Variants in GRAP2 observed in about 807,000 individuals in gnomAD.
GRAP2 encodes the protein GRB2-related adapter protein 2.
Under a neutral mutation model 43.5 loss-of-function variants are expected in GRAP2, and 31 were observed. The ratio of observed to expected loss-of-function variants is 0.71; its 90% confidence interval spans 0.54 to 0.96. The LOEUF (loss-of-function observed/expected upper bound fraction) is 0.96. Ranked by LOEUF, GRAP2 falls within the 40% of genes least tolerant of loss-of-function variation. The probability of loss-of-function intolerance (pLI) is 0.00; values close to 1 mark genes in which losing one functional copy is unlikely to be tolerated. For missense variants in GRAP2, 371 were observed against 424.4 expected (o/e 0.87, Z 1.11); for synonymous variants, 156 against 164.8 (o/e 0.95, Z 0.41).
In GRAP2 at chr22:39,970,943, C is replaced by A; in HGVS notation, c.852C>A (p.Ala284=). 1.2e-6 allele frequency: 2 copies of A among 1,613,088 alleles called. No homozygotes were observed. Among genetic ancestry groups the A allele is most frequent in the African/African-American group, 2.7e-5 (2 of 74,956 alleles). The change falls in exon 8 of 8, where the codon GCC becomes GCA. Residue 284 remains alanine (A), a synonymous_variant. Transcript: ENST00000344138. ...CCCGGGCGCTGTATGACTTTGAGGC[C>A]CTGGAGGATGACGAGCTGGGGTTCC... ...RWARALYDFE[A]LEDDELGFHS...
At chr22:39,929,614 C>T (rs1002219976) in intron 1 of GRAP2, among the ~76,000 whole-genome samples, 1 of 152,176 alleles carries the variant, frequency 6.6e-6, no homozygotes, top group African/African-American at 2.4e-5. Flanking sequence ...TGAACTCCTC[C>T]GCATGACCAA....
intron 1 of GRAP2, among the ~76,000 whole-genome samples, chr22:39,937,654 G>A (rs759874656): frequency 1.3e-5 from 2 of 152,140 alleles, no homozygotes; most frequent in African/African-American, 4.8e-5. Context: ...AGTATTCTAC[G>A]TCCTCTTCCC....
At chr22:39,964,170 C>A in intron 4 of GRAP2, 2 of 514,620 alleles carry the variant, frequency 3.9e-6, no homozygotes, top group South Asian at 3.0e-5. Flanking sequence ...ACTTTACATC[C>A]AAAAGAGAAT....
At chr22:39,911,357 T>A (rs1231171496) in intron 1 of GRAP2, among the ~76,000 whole-genome samples, 1 of 151,962 alleles carries the variant, frequency 6.6e-6, no homozygotes. Flanking sequence ...GCAAGACTCA[T>A]TTAAAATGAC....
intron 1 of GRAP2, among the ~76,000 whole-genome samples, chr22:39,942,874 CCTCT>C (rs2145628691): frequency 6.6e-6 from 1 of 152,142 alleles, no homozygotes; most frequent in Admixed American, 6.5e-5. Flanking sequence ...GCAATGTTTC[CCTCT>C]CTTTTTAAAA....
chr22:39,935,654 G>C (rs1255785410), intron 1 of GRAP2, among the ~76,000 whole-genome samples: 1 of 152,142 alleles, frequency 6.6e-6, no homozygotes, highest in Non-Finnish European at 1.5e-5. Context: ...ATGAAGCAAG[G>C]GGAGCTTCTC....
chr22:39,968,257 C>T lies in GRAP2; in HGVS notation c.675C>T (p.His225=), dbSNP rs2067196494. The T allele has an allele frequency of 1.9e-6, 3 of 1,612,604 alleles. No individual in the cohort carries two copies. In the East Asian group the frequency reaches 6.7e-5, roughly 36 times the overall value. The change falls in exon 6 of 8, where the codon CAC becomes CAT. Residue 225 remains histidine, a synonymous_variant. Transcript: ENST00000344138. ...QQPPQQRYLQ[H]HHFHQERRGG... ...CCCCACAGCAGCGATATCTGCAGCA[C>T]CACCATTTCCACCAGGTATCTGGAA...
At chr22:39,969,913 T>A (rs1312755532) in intron 7 of GRAP2, among the ~76,000 whole-genome samples, 1 of 151,982 alleles carries the variant, frequency 6.6e-6, no homozygotes, top group Non-Finnish European at 1.5e-5. Context: ...AAACTCCGTC[T>A]CAAAAAACAA....
At position 39,969,256 on chromosome 22, in the gene GRAP2, T is replaced by G. The variant is rs1352288564; in HGVS notation, c.691-155T>G. 1.3e-4 allele frequency: 102 copies of G among 812,180 alleles called. 1 individual carries two copies. The South Asian group carries it at 1.6e-3, about 13-fold the overall frequency. The allele number at this position is 812,180 out of a possible 1,614,324, so 50.3% of individuals were successfully genotyped here. A position where few individuals can be genotyped will look rare whatever the true frequency, so the allele number is the denominator to read the frequency against. The stretch of plus-strand genomic sequence containing the variant: ...TCAGAATCTAAGGTGCCTTTAGACC[T>G]TAGGTCCTCCTCAACGTGGAGGGTT... On this transcript the variant is annotated intron_variant, in intron 6 of 7. Transcript: ENST00000344138.
chr22:39,966,279 T>G (rs1001290142), intron 5 of GRAP2, 121 bp downstream of exon 5: 16 of 748,080 alleles, frequency 2.1e-5, no homozygotes, highest in Non-Finnish European at 3.3e-5. Context: ...AAGACAGAGC[T>G]CAGAGCTCTG....
intron 1 of GRAP2, among the ~76,000 whole-genome samples, chr22:39,923,032 A>G (rs1450341943): frequency 7.2e-6 from 1 of 139,580 alleles, no homozygotes; most frequent in Non-Finnish European, 1.5e-5. Context: ...ACAGAGTGAG[A>G]TTCAGTTAAA....
At chr22:39,900,159 A>T (rs1239085411), upstream of GRAP2, among the ~76,000 whole-genome samples, 1 of 152,240 alleles carries the variant, frequency 6.6e-6, no homozygotes, top group Non-Finnish European at 1.5e-5. Context: ...ATTTTAAGCA[A>T]GGTTTAGATA....
intron 1 of GRAP2, among the ~76,000 whole-genome samples, chr22:39,915,925 A>G (rs1411515477): frequency 6.6e-6 from 1 of 152,124 alleles, no homozygotes; most frequent in Admixed American, 6.5e-5. Flanking sequence ...TTCCAGCCAA[A>G]GCACACCCAT....
chr22:39,964,399 A>G (rs530685978), intron 4 of GRAP2: 2 of 785,030 alleles, frequency 2.5e-6, no homozygotes, highest in Admixed American at 4.0e-5. Context: ...AGGTGGCAAG[A>G]AGAAGGCACT....
At chr22:39,946,598 A>G (rs73165009) in intron 1 of GRAP2, among the ~76,000 whole-genome samples, 10 of 152,342 alleles carry the variant, frequency 6.6e-5, no homozygotes, top group Admixed American at 2.0e-4. Flanking sequence ...CCACTGGCCA[A>G]TGCTGTCTAA....
intron 1 of GRAP2, among the ~76,000 whole-genome samples, chr22:39,906,228 T>C (rs1009151514): frequency 6.6e-6 from 1 of 152,174 alleles, no homozygotes; most frequent in African/African-American, 2.4e-5. Flanking sequence ...CTATATAAGA[T>C]TTTACCATAA....
the GRAP2 span, among the ~76,000 whole-genome samples, chr22:39,895,390 A>C: frequency 1.3e-5 from 2 of 152,164 alleles, no homozygotes; most frequent in African/African-American, 2.4e-5. Flanking sequence ...GAAGTTGGTG[A>C]GTTTGGAATA....
In GRAP2 at chr22:39,957,071, C is replaced by T. The variant is rs1447980023; in HGVS notation, c.170+1161C>T. Among the ~76,000 whole-genome samples, 7 of 152,288 alleles carry T rather than the reference C, an allele frequency of 4.6e-5. No homozygotes were observed. In the South Asian group the frequency reaches 6.2e-4, roughly 14 times the overall value. On this transcript the variant is annotated intron_variant, in intron 3 of 7. Coordinates refer to ENST00000344138, the MANE Select transcript of GRAP2 (RefSeq NM_004810.4). ...GAAATGAAAAATTGAGATTGGGCTT[C>T]GTTTGTCTCAAGAATTGACCACAAG...
chr22:39,917,391 C>A (rs971241476), intron 1 of GRAP2, among the ~76,000 whole-genome samples: 2 of 152,200 alleles, frequency 1.3e-5, no homozygotes, highest in African/African-American at 4.8e-5. Context: ...CTCCCCTTCA[C>A]CTGCCAGATG....
Sources: gnomAD v4.1 joint callset for allele counts (sites outside exome capture counted in the v4.1 genomes callset) on GRCh38, gnomAD v4.1.1 for gene constraint, MANE v1.5 for transcripts, NCBI Gene and HGNC (gene_info 2026-07-23, HGNC 2026-07-21) for gene names.